Variants in DNAH8 observed in about 807,000 individuals in gnomAD.
DNAH8 encodes the protein dynein axonemal heavy chain 8, also known as axonemal beta dynein heavy chain 8.
A neutral mutation model predicts 562.1 loss-of-function variants in DNAH8; 382 were observed. That is an observed-to-expected ratio of 0.68 (90% CI 0.63 to 0.74). The LOEUF is 0.74. DNAH8 is among the 30% of genes least tolerant of loss of function. The probability of loss-of-function intolerance (pLI) is 0.00; values close to 1 mark genes in which losing one functional copy is unlikely to be tolerated. For synonymous variants in DNAH8, 1,881 were observed against 1,919.4 expected (o/e 0.98, Z 0.52); for missense variants, 5,203 against 5,620.4 (o/e 0.93, Z 2.37).
At chr6:38,803,379 G>A in intron 22 of DNAH8, 68 bp downstream of exon 22, 1 of 1,250,234 alleles carries the variant, frequency 8.0e-7, no homozygotes, top group Non-Finnish European at 1.1e-6. Context: ...AGCACCTTCT[G>A]CTTAGCAGGT....
At chr6:38,810,085 A>G (rs1622275) in intron 24 of DNAH8, among the ~76,000 whole-genome samples, 44,582 of 151,970 alleles carry the variant, frequency 0.29, 6,786 homozygotes, top group Admixed American at 0.38. Flanking sequence ...AGTGAGTTCA[A>G]TTTGTTTGCA....
intron 36 of DNAH8, among the ~76,000 whole-genome samples, chr6:38,846,312 C>T (rs76672279): frequency 0.025 from 3,850 of 152,226 alleles, 168 homozygotes; most frequent in African/African-American, 0.086. Flanking sequence ...AACTACGAAC[C>T]AGCTTGGAGG....
chr6:38,768,738 T>G (rs1415968582), intron 11 of DNAH8, among the ~76,000 whole-genome samples: 1 of 152,210 alleles, frequency 6.6e-6, no homozygotes, highest in Non-Finnish European at 1.5e-5. Flanking sequence ...GATGTCTCCT[T>G]ATTTACTAAT....
rs762939347 is a variant in DNAH8 at position 38,883,370 on chromosome 6, A to G, written c.8050A>G (p.Lys2684Glu). The change falls in exon 55 of 93, where the codon AAG becomes GAG. Residue 2684 changes from lysine (K) to glutamate (E), a missense_variant. This residue lies in a region of DNAH8 where 977 missense variants were observed against 1,061.8 expected (regional missense o/e 0.92). Coordinates refer to ENST00000327475, the MANE Select transcript of DNAH8 (RefSeq NM_001206927.2). ...GGGAACTGCAAAAACTGTCATGGTT[A>G]AGGCCTATTTGAAAAAATATGATCC... ...EQGTAKTVMV[K>E]AYLKKYDPEV... 4 of 1,613,396 alleles carry G rather than the reference A, an allele frequency of 2.5e-6. No homozygotes were observed. Among genetic ancestry groups the G allele is most frequent in the Non-Finnish European group, 3.4e-6 (4 of 1,179,564 alleles).
At position 38,822,860 on chromosome 6, in the gene DNAH8, T is replaced by A. The variant is rs1211970137; in HGVS notation, c.3546T>A (p.Pro1182=). The A allele has an allele frequency of 6.2e-7, 1 of 1,601,244 alleles. No individual in the cohort carries two copies. Among genetic ancestry groups the A allele is most frequent in the East Asian group, 2.2e-5 (1 of 44,746 alleles). Residue 1182 remains proline (P), a synonymous_variant, in exon 27 of 93, where the codon CCT becomes CCA. Transcript: ENST00000327475. ...CAGGATCTTTTGAAGAAGCTATTCC[T>A]GCGAGGAAGCTGAAGAATTTTTACC... ...KEERSFEEAI[P]ARKLKNFYPG... is the part of the protein sequence containing the mutation.
chr6:39,017,060 A>G (rs1192099779), intron 91 of DNAH8, among the ~76,000 whole-genome samples: 1 of 152,188 alleles, frequency 6.6e-6, no homozygotes, highest in Non-Finnish European at 1.5e-5. Flanking sequence ...TAAAATAGTC[A>G]AGCTCTCTAT....
At chr6:38,950,270 C>A (rs73410580) in intron 81 of DNAH8, among the ~76,000 whole-genome samples, 1,895 of 151,056 alleles carry the variant, frequency 0.013, 45 homozygotes, top group African/African-American at 0.041. Context: ...GGAGATGAGA[C>A]CCCCACATGA....
chr6:38,791,768 TA>T, intron 21 of DNAH8, 94 bp downstream of exon 21: 1 of 1,337,696 alleles, frequency 7.5e-7, no homozygotes, highest in South Asian at 1.4e-5. Context: ...CCTGGGTCAG[TA>T]GCATTTAGAC....
chr6:38,874,142 TTTCTCCTTCCTTCCTTC>T, intron 52 of DNAH8, among the ~76,000 whole-genome samples: 2 of 135,442 alleles, frequency 1.5e-5, no homozygotes, highest in South Asian at 5.2e-4. Flanking sequence ...TTTCTTTCTC[TTTCTCCTTCCTTCCTTC>T]CTCCTTCTCT....
intron 35 of DNAH8, among the ~76,000 whole-genome samples, chr6:38,844,808 C>T (rs997146221): frequency 6.6e-6 from 1 of 152,162 alleles, no homozygotes; most frequent in Non-Finnish European, 1.5e-5. Flanking sequence ...CTCTTCCTCC[C>T]AGAGAGTCTC....
chr6:38,940,574 T>C (rs1361080163), intron 79 of DNAH8, among the ~76,000 whole-genome samples: 1 of 152,178 alleles, frequency 6.6e-6, no homozygotes, highest in Non-Finnish European at 1.5e-5. Context: ...TCCACATTGC[T>C]TCCATAACTA....
chr6:38,862,520 T>C (rs1776713242), intron 44 of DNAH8, 62 bp downstream of exon 44: 8 of 1,526,676 alleles, frequency 5.2e-6, no homozygotes, highest in Non-Finnish European at 7.1e-6. Flanking sequence ...TTTAATGTTA[T>C]TTTCTGATAT....
At position 38,723,052 on chromosome 6, in the gene DNAH8, G is replaced by A; in HGVS notation, c.243G>A (p.Leu81=). 6.2e-7 allele frequency: 1 copy of A among 1,612,924 alleles called. No individual in the cohort carries two copies. Among genetic ancestry groups the A allele is most frequent in the Non-Finnish European group, 8.5e-7 (1 of 1,179,896 alleles). ...TTCCAGATGATCATGAAGCGGATCT[G>A]AATAGAGTTCGACAGAGGCTTGCAC... ...IVLPDDHEAD[L]NRVRQRLAPR... Residue 81 remains leucine, a synonymous_variant, in exon 2 of 93, where the codon CTG becomes CTA. Coordinates refer to ENST00000327475, the MANE Select transcript of DNAH8 (RefSeq NM_001206927.2).
At chr6:38,733,699 T>A (rs1006812598) in intron 4 of DNAH8, among the ~76,000 whole-genome samples, 5 of 151,736 alleles carry the variant, frequency 3.3e-5, no homozygotes, top group African/African-American at 7.3e-5. Flanking sequence ...TCACTTGAGG[T>A]CAGGAATTTG....
intron 88 of DNAH8, among the ~76,000 whole-genome samples, chr6:39,006,438 A>G (rs1765804324): frequency 6.6e-6 from 1 of 151,996 alleles, no homozygotes; most frequent in Non-Finnish European, 1.5e-5. Context: ...TGTAGTGTGC[A>G]TCTGAAAAGT....
chr6:39,009,471 G>T (rs1257237892), intron 89 of DNAH8, among the ~76,000 whole-genome samples: 1 of 152,154 alleles, frequency 6.6e-6, no homozygotes, highest in Non-Finnish European at 1.5e-5. Flanking sequence ...AACAATTAGT[G>T]GAGATATTAT....
intron 82 of DNAH8, among the ~76,000 whole-genome samples, chr6:38,966,786 C>T (rs538254199): frequency 3.3e-5 from 5 of 152,156 alleles, no homozygotes; most frequent in African/African-American, 4.8e-5. Context: ...CAACAAACTA[C>T]CATAGACTGG....
intron 81 of DNAH8, among the ~76,000 whole-genome samples, chr6:38,950,984 C>T (rs1283587038): frequency 6.6e-6 from 1 of 152,134 alleles, no homozygotes; most frequent in Non-Finnish European, 1.5e-5. Context: ...TTACTTTGGG[C>T]ATCTTTGGCA....
chr6:38,846,158 G>A (rs1775282864), intron 36 of DNAH8, among the ~76,000 whole-genome samples: 1 of 152,120 alleles, frequency 6.6e-6, no homozygotes, highest in Non-Finnish European at 1.5e-5. Flanking sequence ...CCCGGGAAAA[G>A]CCTGCTGGCC....
Sources: gnomAD v4.1 joint callset for allele counts (sites outside exome capture counted in the v4.1 genomes callset) on GRCh38, gnomAD v4.1.1 for gene constraint, gnomAD v4.1.1 regional missense constraint, MANE v1.5 for transcripts, NCBI Gene and HGNC (gene_info 2026-07-23, HGNC 2026-07-21) for gene names.